Variants in OSBPL9 observed in about 807,000 individuals in gnomAD.
OSBPL9 encodes oxysterol-binding protein-related protein 9.
In OSBPL9, 40 loss-of-function variants were observed where a neutral mutation model predicts 106.6. That is an observed-to-expected ratio of 0.38 (90% CI 0.29 to 0.49). The LOEUF is 0.49. OSBPL9 is among the 20% of genes least tolerant of loss of function. OSBPL9 has a pLI of 0.97. For synonymous variants in OSBPL9, 269 were observed against 295.4 expected, an observed-to-expected ratio of 0.91 and a Z score of 0.92; for missense variants, 609 against 887.2, an observed-to-expected ratio of 0.69 and a Z score of 3.98.
At chr1:51,519,231 T>C in the OSBPL9 span, 3 of 1,272,886 alleles carry the variant, frequency 2.4e-6, no homozygotes, top group Non-Finnish European at 3.0e-6. Flanking sequence ...GCCGCAGCCA[T>C]GGTGTTTCCA....
chr1:51,546,039 C>T, the OSBPL9 span, among the ~76,000 whole-genome samples: 1 of 151,984 alleles, frequency 6.6e-6, no homozygotes, highest in African/African-American at 2.4e-5. Context: ...TTTTTTGAGA[C>T]AGGGTCTCAC....
intron 3 of OSBPL9, among the ~76,000 whole-genome samples, chr1:51,672,347 T>C (rs1013356191): frequency 6.6e-6 from 1 of 152,196 alleles, no homozygotes; most frequent in Non-Finnish European, 1.5e-5. Flanking sequence ...ATCACCTTTA[T>C]TGAGGTGTAA....
At chr1:51,761,171 T>G (rs1266943884) in intron 10 of OSBPL9, among the ~76,000 whole-genome samples, 1 of 152,160 alleles carries the variant, frequency 6.6e-6, no homozygotes, top group Non-Finnish European at 1.5e-5. Context: ...AAATGGTATG[T>G]TCATGGTAGA....
intron 1 of OSBPL9, among the ~76,000 whole-genome samples, chr1:51,588,575 C>T (rs1475230010): frequency 2.6e-5 from 4 of 151,726 alleles, no homozygotes; most frequent in Non-Finnish European, 4.4e-5. Flanking sequence ...CACTTGAGCT[C>T]AGGAGGTGGA....
chr1:51,636,590 G>A (rs890848244), intron 1 of OSBPL9, among the ~76,000 whole-genome samples: 1 of 150,996 alleles, frequency 6.6e-6, no homozygotes, highest in Non-Finnish European at 1.5e-5. Flanking sequence ...CTCCTGGCTC[G>A]GCCTCCCAAA....
chr1:51,521,858 A>C, the OSBPL9 span, among the ~76,000 whole-genome samples: 1 of 152,134 alleles, frequency 6.6e-6, no homozygotes, highest in Non-Finnish European at 1.5e-5. Flanking sequence ...CCTGGGTTCA[A>C]GCGATTCTTG....
Position 51,784,465 on chromosome 1 carries a change from T to A in OSBPL9, c.1712T>A (p.Val571Glu). ...YGRSILTVPW[V>E]ELGGECNINC... The stretch of plus-strand genomic sequence containing the variant: ...AGGTCTATCCTCACAGTGCCCTGGG[T>A]GGAATTAGGAGGAGAATGCAATATT... The change falls in exon 20 of 24, where the codon GTG (valine) becomes GAG (glutamate). Residue 571 changes from valine (V) to glutamate (E), a missense_variant. Coordinates refer to ENST00000428468, the MANE Select transcript of OSBPL9 (RefSeq NM_024586.6). 6.2e-7 allele frequency: 1 copy of A among 1,614,110 alleles called. No homozygotes were observed. The highest frequency in any genetic ancestry group is 8.5e-7 in the Non-Finnish European group (1 of 1,179,974).
At chr1:51,713,902 C>G in intron 3 of OSBPL9, 101 bp from the exon 4 acceptor site, 1 of 935,702 alleles carries the variant, frequency 1.1e-6, no homozygotes. Context: ...CAACTAAAAA[C>G]CTTTTCTGTT....
chr1:51,712,249 A>T (rs1161393086), intron 3 of OSBPL9, among the ~76,000 whole-genome samples: 7 of 152,066 alleles, frequency 4.6e-5, no homozygotes, highest in African/African-American at 9.7e-5. Context: ...CGTCTCCACC[A>T]AAACCAGTCA....
the OSBPL9 span, among the ~76,000 whole-genome samples, chr1:51,550,820 A>G: frequency 1.3e-5 from 2 of 152,144 alleles, no homozygotes; most frequent in African/African-American, 4.8e-5. Flanking sequence ...GGCCCCATAC[A>G]TTTAAACAAA....
the OSBPL9 span, among the ~76,000 whole-genome samples, chr1:51,554,407 A>G: frequency 6.6e-6 from 1 of 152,098 alleles, no homozygotes; most frequent in Non-Finnish European, 1.5e-5. Context: ...AATATAAGAG[A>G]CTCATAGTTT....
intron 1 of OSBPL9, among the ~76,000 whole-genome samples, chr1:51,640,031 T>C (rs747430197): frequency 2.0e-5 from 3 of 151,870 alleles, no homozygotes; most frequent in Admixed American, 6.6e-5. Flanking sequence ...GAAGTCTCAC[T>C]ATGTTGCCCA....
intron 1 of OSBPL9, among the ~76,000 whole-genome samples, chr1:51,647,622 T>C (rs999692846): frequency 6.6e-6 from 1 of 152,198 alleles, no homozygotes; most frequent in Non-Finnish European, 1.5e-5. Flanking sequence ...TTTAGTCAGT[T>C]TTGGCAGTTT....
the OSBPL9 span, among the ~76,000 whole-genome samples, chr1:51,560,548 T>A: frequency 6.6e-6 from 1 of 152,198 alleles, no homozygotes; most frequent in Admixed American, 6.5e-5. Context: ...CTTTGTAGAT[T>A]ATAGTTTCTA....
intron 4 of OSBPL9, 129 bp from the exon 5 acceptor site, chr1:51,745,404 CTAT>C (rs1667774473): frequency 2.3e-6 from 3 of 1,315,784 alleles, no homozygotes; most frequent in Non-Finnish European, 3.1e-6. Flanking sequence ...TTAAATAGAC[CTAT>C]TATTTGTGTC....
At chr1:51,711,871 C>T (rs576791433) in intron 3 of OSBPL9, among the ~76,000 whole-genome samples, 475 of 150,102 alleles carry the variant, frequency 3.2e-3, no homozygotes, top group Non-Finnish European at 5.6e-3. Context: ...CGGGAAGAGG[C>T]GCTCCTCACT....
At chr1:51,655,349 C>T (rs1301139484) in intron 2 of OSBPL9, among the ~76,000 whole-genome samples, 1 of 152,128 alleles carries the variant, frequency 6.6e-6, no homozygotes, top group East Asian at 1.9e-4. Context: ...CAGTTGTGTT[C>T]TGCTTTCAGC....
At chr1:51,536,373 T>A in the OSBPL9 span, among the ~76,000 whole-genome samples, 3 of 152,108 alleles carry the variant, frequency 2.0e-5, no homozygotes, top group Non-Finnish European at 2.9e-5. Context: ...GTGGTTCAAT[T>A]ACAGCTCACT....
intron 9 of OSBPL9, among the ~76,000 whole-genome samples, chr1:51,758,377 A>G (rs1670791567): frequency 1.3e-5 from 2 of 151,140 alleles, no homozygotes; most frequent in Non-Finnish European, 1.5e-5. Flanking sequence ...AACAGTGAGC[A>G]TTTCCGTATT....
Sources: gnomAD v4.1 joint callset for allele counts (sites outside exome capture counted in the v4.1 genomes callset) on GRCh38, gnomAD v4.1.1 for gene constraint, MANE v1.5 for transcripts, NCBI Gene and HGNC (gene_info 2026-07-23, HGNC 2026-07-21) for gene names.